TBC1D14: variants seen among roughly 807,000 people sequenced by gnomAD.
The protein encoded by TBC1D14 is TBC1 domain family member 14.
In TBC1D14, 26 loss-of-function variants were observed where a neutral mutation model predicts 79.0. The ratio of observed to expected loss-of-function variants is 0.33; its 90% CI spans 0.24 to 0.46. The LOEUF (loss-of-function observed/expected upper bound fraction) is 0.46. TBC1D14 is among the 20% of genes least tolerant of loss of function. TBC1D14 has a pLI of 1.00. For missense variants in TBC1D14, 769 were observed against 887.6 expected (o/e 0.87, Z 1.70); for synonymous variants, 394 against 349.9 (o/e 1.13, Z -1.40).
intron 1 of TBC1D14, among the ~76,000 whole-genome samples, chr4:6,912,961 G>A (rs1723121756): frequency 6.6e-6 from 1 of 152,118 alleles, no homozygotes; most frequent in Non-Finnish European, 1.5e-5. Flanking sequence ...CCCTCCTGTT[G>A]ATTTTGTTTT....
chr4:7,029,555 G>A (rs545248897), intron 13 of TBC1D14, among the ~76,000 whole-genome samples: 35 of 152,330 alleles, frequency 2.3e-4, no homozygotes, highest in African/African-American at 7.7e-4. Flanking sequence ...AAAGAAGGGT[G>A]TTGGCCTGGC....
chr4:6,913,035 C>T (rs1260114735), intron 1 of TBC1D14, among the ~76,000 whole-genome samples: 1 of 152,138 alleles, frequency 6.6e-6, no homozygotes, highest in African/African-American at 2.4e-5. Context: ...CTCTTGTTGC[C>T]CAGGCTGGAG....
chr4:7,019,500 T>C (rs2109294683), intron 12 of TBC1D14, among the ~76,000 whole-genome samples: 1 of 152,262 alleles, frequency 6.6e-6, no homozygotes, highest in African/African-American at 2.4e-5. Context: ...TGGGTCTTTA[T>C]GGGCATGTGG....
At chr4:7,013,276 C>T (rs1032566044) in intron 11 of TBC1D14, among the ~76,000 whole-genome samples, 3 of 152,226 alleles carry the variant, frequency 2.0e-5, no homozygotes, top group East Asian at 1.9e-4. Flanking sequence ...CACCTGCCCC[C>T]GGTTATGACG....
intron 2 of TBC1D14, among the ~76,000 whole-genome samples, chr4:6,932,917 G>T (rs1198615239): frequency 6.6e-6 from 1 of 152,144 alleles, no homozygotes; most frequent in Non-Finnish European, 1.5e-5. Context: ...CACTTATCAG[G>T]ATGAAACAGC....
chr4:6,924,117 G>A lies in TBC1D14; in HGVS notation c.722+6G>A, dbSNP rs776948538. ...TTTAGTAACTTCTTTGCAAGGTAAT[G>A]CCATCTTTGCCCTCTAGAAGATCGT... is the stretch of plus-strand genomic sequence containing the variant. On this transcript the variant is annotated splice_donor_region_variant and intron_variant, in intron 2 of 13. Transcript: ENST00000409757. 5 of 1,607,282 alleles carry A rather than the reference G, an allele frequency of 3.1e-6. No homozygotes were observed. The highest frequency in any genetic ancestry group is 4.2e-6 in the Non-Finnish European group (5 of 1,176,668).
At chr4:7,007,551 G>A (rs181181103) in intron 9 of TBC1D14, 4 of 1,289,308 alleles carry the variant, frequency 3.1e-6, no homozygotes, top group South Asian at 1.2e-5. Context: ...TTTCCGTGTG[G>A]GTCTTCAGAA....
chr4:6,918,744 G>T (rs2108908346), intron 1 of TBC1D14, among the ~76,000 whole-genome samples: 1 of 152,314 alleles, frequency 6.6e-6, no homozygotes, highest in African/African-American at 2.4e-5. Flanking sequence ...CTGCTGGAGT[G>T]TTGATGATGT....
intron 2 of TBC1D14, among the ~76,000 whole-genome samples, chr4:6,951,339 G>T (rs1468043864): frequency 6.6e-6 from 1 of 151,938 alleles, no homozygotes; most frequent in Non-Finnish European, 1.5e-5. Context: ...AACCCTCATA[G>T]AACTGTATTC....
intron 1 of TBC1D14, among the ~76,000 whole-genome samples, chr4:6,918,837 T>C (rs571630025): frequency 3.9e-5 from 6 of 152,344 alleles, no homozygotes; most frequent in African/African-American, 1.2e-4. Flanking sequence ...TATTTTCCTT[T>C]TAATTAAAGT....
In TBC1D14 at chr4:6,923,517, C is replaced by A. The variant is rs201677970; in HGVS notation, c.128C>A (p.Ala43Glu). 3 of 1,614,184 alleles carry A rather than the reference C, an allele frequency of 1.9e-6. No homozygotes were observed. The highest frequency in any genetic ancestry group is 2.5e-6 in the Non-Finnish European group (3 of 1,180,038). ...VNLKAPRLLS[A>E]PEYGPKLKLR... ...CTCAAGGCGCCCCGACTCCTCTCCG[C>A]GCCTGAGTACGGGCCCAAGCTGAAA... The change falls in exon 2 of 14, where the codon GCG becomes GAG. Residue 43 changes from alanine to glutamate, a missense_variant. By Grantham distance (107) the Ala-to-Glu change is moderately radical (BLOSUM62 -1). Transcript: ENST00000409757.
At chr4:6,923,309 G>A in intron 1 of TBC1D14, 64 bp from the exon 2 acceptor site, 1 of 1,510,586 alleles carries the variant, frequency 6.6e-7, no homozygotes, top group South Asian at 1.3e-5. Flanking sequence ...TCAGCTGTGT[G>A]TCAGAGGTGT....
chr4:6,985,142 T>C (rs1404987113), intron 3 of TBC1D14, among the ~76,000 whole-genome samples: 2 of 152,234 alleles, frequency 1.3e-5, no homozygotes, highest in African/African-American at 4.8e-5. Context: ...TTATGACATC[T>C]TACTGCTAAA....
intron 2 of TBC1D14, among the ~76,000 whole-genome samples, chr4:6,958,067 C>T (rs562862481): frequency 6.6e-6 from 1 of 152,088 alleles, no homozygotes; most frequent in East Asian, 1.9e-4. Context: ...CTGGGCCAGG[C>T]TCATCCTGCT....
At position 7,025,053 on chromosome 4, in the gene TBC1D14, A is replaced by G. The variant is rs766207682; in HGVS notation, c.1807A>G (p.Ile603Val). The G allele has an allele frequency of 1.9e-6, 3 of 1,614,170 alleles. No individual in the cohort carries two copies. The East Asian group carries it at 6.7e-5, about 36-fold the overall frequency. ...TCTGCCCCTCGACCTGGCCTGTCGT[A>G]TCTGGGACGTGTTCTGTCGCGATGG... ...KSLPLDLACRIWDVFCRDGEE... is the reference protein window; with the variant it reads ...KSLPLDLACRVWDVFCRDGEE... Residue 603 changes from isoleucine to valine, a missense_variant, in exon 13 of 14, where the codon ATC (isoleucine) becomes GTC (valine). Physicochemically the swap from Ile to Val is conservative, Grantham distance 29. Coordinates refer to ENST00000409757, the MANE Select transcript of TBC1D14 (RefSeq NM_020773.3).
At position 7,006,669 on chromosome 4, in the gene TBC1D14, G is replaced by A; in HGVS notation, c.1389G>A (p.Leu463=). The change falls in exon 9 of 14, where the codon CTG becomes CTA. Residue 463 remains leucine (L), a synonymous_variant. Coordinates refer to ENST00000409757, the MANE Select transcript of TBC1D14 (RefSeq NM_020773.3). The part of the protein sequence containing the change: ...GFSAADREAS[L]ELIKLDISRT... ...CAGCAGCAGACAGAGAAGCCAGTCT[G>A]GAGCTTATTAAACTGGACATTTCTA... The A allele has an allele frequency of 6.2e-7, 1 of 1,613,972 alleles. No homozygotes were observed. Among genetic ancestry groups the A allele is most frequent in the Non-Finnish European group, 8.5e-7 (1 of 1,179,944 alleles).
intron 3 of TBC1D14, among the ~76,000 whole-genome samples, chr4:6,975,207 C>G (rs1716609221): frequency 6.7e-6 from 1 of 149,640 alleles, no homozygotes; most frequent in Non-Finnish European, 1.5e-5. Flanking sequence ...AGCCGCCGCG[C>G]CCGGCCTGTT....
At chr4:6,916,847 G>A (rs1206052785) in intron 1 of TBC1D14, among the ~76,000 whole-genome samples, 3 of 152,218 alleles carry the variant, frequency 2.0e-5, no homozygotes, top group African/African-American at 7.2e-5. Flanking sequence ...CAGGGTGCTG[G>A]GTCAGGTGCT....
chr4:6,968,414 C>T (rs1368636449), intron 3 of TBC1D14, among the ~76,000 whole-genome samples: 1 of 152,180 alleles, frequency 6.6e-6, no homozygotes, highest in South Asian at 2.1e-4. Flanking sequence ...GGACTCAGCA[C>T]TCGTGTTTCT....
Sources: allele counts gnomAD v4.1 joint callset (sites outside exome capture counted in the v4.1 genomes callset), GRCh38; gene constraint gnomAD v4.1.1; transcripts MANE v1.5; gene names NCBI Gene and HGNC (gene_info 2026-07-23, HGNC 2026-07-21).